Variants in SLC31A1 observed in about 807,000 individuals in gnomAD.
The protein encoded by SLC31A1 is solute carrier family 31 member 1, also known as high affinity copper uptake protein 1.
SLC31A1 carries 5 observed loss-of-function variants against 17.2 expected under a neutral mutation model. That is an observed-to-expected ratio of 0.29 (90% CI 0.15 to 0.61). The LOEUF is 0.61. Ranked by LOEUF, SLC31A1 falls within the 20% of genes least tolerant of loss-of-function variation. The probability of loss-of-function intolerance (pLI) is 0.86; values close to 1 mark genes in which losing one functional copy is unlikely to be tolerated. For missense variants in SLC31A1, 161 were observed against 241.4 expected (o/e 0.67, Z 2.21); for synonymous variants, 76 against 78.8 (o/e 0.96, Z 0.19).
intron 1 of SLC31A1, among the ~76,000 whole-genome samples, chr9:113,233,535 A>G (rs1180111745): frequency 6.6e-6 from 1 of 152,242 alleles, no homozygotes; most frequent in Non-Finnish European, 1.5e-5. Context: ...AAATAAAACT[A>G]CAAAAATATT....
intron 1 of SLC31A1, among the ~76,000 whole-genome samples, chr9:113,226,166 A>G (rs1054846101): frequency 1.6e-4 from 24 of 152,008 alleles, no homozygotes; most frequent in African/African-American, 5.6e-4. Flanking sequence ...AAAGAAAGCA[A>G]AGTGTTTACA....
intron 1 of SLC31A1, among the ~76,000 whole-genome samples, chr9:113,223,833 C>A (rs140536074): frequency 1.3e-5 from 2 of 152,188 alleles, no homozygotes; most frequent in South Asian, 2.1e-4. Context: ...AAAGTTATAA[C>A]CAAGTTATAT....
At chr9:113,229,929 G>A (rs958484716) in intron 1 of SLC31A1, among the ~76,000 whole-genome samples, 10 of 152,160 alleles carry the variant, frequency 6.6e-5, no homozygotes, top group Non-Finnish European at 1.2e-4. Flanking sequence ...TTGCTTTTCA[G>A]TATAATACTA....
intron 2 of SLC31A1, chr9:113,256,570 G>A: frequency 3.3e-6 from 1 of 306,154 alleles, no homozygotes; most frequent in Non-Finnish European, 6.2e-6. Context: ...AAGAGAAAAA[G>A]ACAAAAGTTG....
chr9:113,240,759 T>C (rs1425406738), intron 1 of SLC31A1, among the ~76,000 whole-genome samples: 1 of 151,950 alleles, frequency 6.6e-6, no homozygotes, highest in East Asian at 1.9e-4. Context: ...ATGCTGAATT[T>C]TATTGAGGGG....
At chr9:113,226,822 A>T (rs745909410) in intron 1 of SLC31A1, among the ~76,000 whole-genome samples, 1 of 152,210 alleles carries the variant, frequency 6.6e-6, no homozygotes, top group Non-Finnish European at 1.5e-5. Context: ...ATGAGTGTTT[A>T]TATAATTTTG....
At chr9:113,230,204 A>C (rs1324116754) in intron 1 of SLC31A1, among the ~76,000 whole-genome samples, 1 of 152,156 alleles carries the variant, frequency 6.6e-6, no homozygotes, top group Non-Finnish European at 1.5e-5. Context: ...AACAATTACT[A>C]ATCTTTTGGG....
At position 113,222,927 on chromosome 9, in the gene SLC31A1, A is replaced by G. The variant is rs117968489; in HGVS notation, c.-36+1249A>G. Among the ~76,000 whole-genome samples, 121 of 152,340 alleles carry G rather than the reference A, an allele frequency of 7.9e-4. 1 individual carries two copies. In the East Asian group the frequency reaches 0.021, roughly 26 times the overall value. ...ACTGAAACATCTAAATGTTTAACAG[A>G]AAGAGCTTGCTAGCCCCTGGCTTAC... On this transcript the variant is annotated intron_variant, in intron 1 of 4. Coordinates refer to ENST00000374212, the MANE Select transcript of SLC31A1 (RefSeq NM_001859.4).
chr9:113,234,480 ATTTTTTTTTTTTT>A (rs869088669), intron 1 of SLC31A1, among the ~76,000 whole-genome samples: 4 of 60,248 alleles, frequency 6.6e-5, no homozygotes, highest in Non-Finnish European at 1.2e-4. Context: ...CCTGGCCATC[ATTTTTTTTTTTTT>A]TTTTTTTTTT....
At chr9:113,221,904 G>A (rs545299218) in intron 1 of SLC31A1, among the ~76,000 whole-genome samples, 1 of 152,340 alleles carries the variant, frequency 6.6e-6, no homozygotes, top group South Asian at 2.1e-4. Context: ...GTATGCAACC[G>A]GCCATTTGTC....
At position 113,260,735 on chromosome 9, in the gene SLC31A1, TC is replaced by T; in HGVS notation, c.*264del. On this transcript the variant is annotated 3_prime_UTR_variant, in exon 5 of 5. Coordinates refer to ENST00000374212, the MANE Select transcript of SLC31A1 (RefSeq NM_001859.4). ...GAGAAGCCACCCATGAGATGTCTTT[TC>T]CTTCTCCATCATCTTAGAGCCAAGT... The T allele has an allele frequency of 2.0e-6, 1 of 496,906 alleles. No individual in the cohort carries two copies. Among genetic ancestry groups the T allele is most frequent in the Non-Finnish European group, 3.7e-6 (1 of 271,060 alleles). 30.8% of individuals were successfully genotyped at this position (496,906 alleles called of 1,614,324 possible). A position where few individuals can be genotyped will look rare whatever the true frequency, so the allele number is the denominator to read the frequency against.
At chr9:113,248,208 C>T (rs796343063) in intron 1 of SLC31A1, among the ~76,000 whole-genome samples, 58 of 152,006 alleles carry the variant, frequency 3.8e-4, no homozygotes, top group African/African-American at 1.3e-3. Flanking sequence ...CCTGTAGTCC[C>T]GGCTACTTGG....
At chr9:113,243,762 A>G (rs902937701) in intron 1 of SLC31A1, among the ~76,000 whole-genome samples, 1 of 152,138 alleles carries the variant, frequency 6.6e-6, no homozygotes, top group Non-Finnish European at 1.5e-5. Context: ...TTATCTTTCC[A>G]TAAGTACAGT....
At chr9:113,226,320 C>T (rs1030380982) in intron 1 of SLC31A1, among the ~76,000 whole-genome samples, 2 of 152,086 alleles carry the variant, frequency 1.3e-5, no homozygotes, top group Non-Finnish European at 2.9e-5. Context: ...CCTGTACTCC[C>T]ACATGCAGCT....
At chr9:113,237,817 A>G (rs1831478479) in intron 1 of SLC31A1, among the ~76,000 whole-genome samples, 1 of 152,228 alleles carries the variant, frequency 6.6e-6, no homozygotes, top group African/African-American at 2.4e-5. Context: ...GCAAAAGTAA[A>G]TGAACTTACT....
At chr9:113,241,005 G>A (rs970109541) in intron 1 of SLC31A1, among the ~76,000 whole-genome samples, 3 of 149,508 alleles carry the variant, frequency 2.0e-5, no homozygotes, top group East Asian at 4.0e-4. Flanking sequence ...AGCCGAGATC[G>A]TGCCACTGTA....
At chr9:113,239,020 C>A (rs571070648) in intron 1 of SLC31A1, among the ~76,000 whole-genome samples, 1 of 152,166 alleles carries the variant, frequency 6.6e-6, no homozygotes, top group East Asian at 1.9e-4. Flanking sequence ...ATCATTTGAC[C>A]AAAATGCTGT....
chr9:113,262,690 G>A lies in SLC31A1; in HGVS notation c.*2217G>A, dbSNP rs1156753196. On this transcript the variant is annotated 3_prime_UTR_variant, in exon 5 of 5. Transcript: ENST00000374212. Reference sequence around the variant, plus strand: ...TGATGATACTTAACATGAGCAGGGTGAATGACAGGTACTGACGAAGTCCAA... The same window carrying A: ...TGATGATACTTAACATGAGCAGGGTAAATGACAGGTACTGACGAAGTCCAA... 6.6e-6 allele frequency: 1 copy of A among 152,602 alleles called. No individual in the cohort carries two copies. The highest frequency in any genetic ancestry group is 1.5e-5 in the Non-Finnish European group (1 of 68,052). The allele number at this position is 152,602 out of a possible 1,614,324, so 9.5% of individuals were successfully genotyped here.
At chr9:113,250,676 AAAAAAAAAAAACTTC>A (rs1831640573) in intron 1 of SLC31A1, among the ~76,000 whole-genome samples, 1 of 138,776 alleles carries the variant, frequency 7.2e-6, no homozygotes, top group African/African-American at 2.6e-5. Flanking sequence ...CTTAAAGTAT[AAAAAAAAAAAACTTC>A]AAAAAAAAAA....
Sources: allele counts gnomAD v4.1 joint callset (sites outside exome capture counted in the v4.1 genomes callset), GRCh38; gene constraint gnomAD v4.1.1; transcripts MANE v1.5; gene names NCBI Gene and HGNC (gene_info 2026-07-23, HGNC 2026-07-21).